The following ASPH variants were observed in gnomAD, a reference collection of about 807,000 sequenced individuals.
ASPH encodes the protein aspartate beta-hydroxylase, also known as aspartyl/asparaginyl beta-hydroxylase.
Under a neutral mutation model 118.4 loss-of-function variants are expected in ASPH, and 100 were observed. The observed-to-expected ratio is 0.84, with a 90% confidence interval of 0.72 to 1.00. The LOEUF is 1.00. ASPH is among the 50% of genes least tolerant of loss of function. The pLI, the probability that ASPH is intolerant of heterozygous loss-of-function variation, is 0.00. For synonymous variants in ASPH, 315 were observed against 325.6 expected, an observed-to-expected ratio of 0.97 and a Z score of 0.35; for missense variants, 920 against 919.5, an observed-to-expected ratio of 1.00 and a Z score of -0.01.
chr8:61,662,372 C>T (rs1465002647), intron 3 of ASPH, among the ~76,000 whole-genome samples: 5 of 152,052 alleles, frequency 3.3e-5, no homozygotes, highest in South Asian at 2.1e-4. Context: ...CAGGTCTTCC[C>T]GAAAACAGCT....
At chr8:61,630,655 T>G (rs1855148873) in intron 13 of ASPH, among the ~76,000 whole-genome samples, 2 of 152,226 alleles carry the variant, frequency 1.3e-5, no homozygotes, top group South Asian at 2.1e-4. Context: ...TGTGTGGTGA[T>G]GCTGGTGTAA....
chr8:61,571,032 G>A (rs1270085170), intron 16 of ASPH, among the ~76,000 whole-genome samples: 1 of 152,086 alleles, frequency 6.6e-6, no homozygotes, highest in Non-Finnish European at 1.5e-5. Context: ...TTAAAAATTT[G>A]TTGGAATATT....
chr8:61,584,110 G>A, intron 14 of ASPH, 81 bp from the exon 15 acceptor site: 3 of 865,068 alleles, frequency 3.5e-6, no homozygotes, highest in Non-Finnish European at 5.2e-6. Context: ...CAAGTAGTGG[G>A]AAACCTGATG....
rs968570121 is a variant in ASPH, at chr8:61,714,479, G to C, written c.-108C>G. On this transcript the variant is annotated 5_prime_UTR_variant, in exon 1 of 25. Coordinates refer to ENST00000379454, the MANE Select transcript of ASPH (RefSeq NM_004318.4). ...GGCGGCGGGCCGCTGGAGCGGGTTC[G>C]GGCCGCTGCTCCTGCAGCAGACCCT... The C allele has an allele frequency of 1.9e-4, 249 of 1,344,276 alleles. No individual in the cohort carries two copies. Among genetic ancestry groups the C allele is most frequent in the Middle Eastern group, 2.8e-4 (1 of 3,602 alleles). 83.3% of individuals were successfully genotyped at this position (1,344,276 alleles called of 1,614,324 possible).
intron 10 of ASPH, 143 bp downstream of exon 10, chr8:61,642,745 T>C (rs759776260): frequency 9.1e-6 from 6 of 657,742 alleles, no homozygotes; most frequent in Non-Finnish European, 1.5e-5. Flanking sequence ...CTCAGGAGGC[T>C]GAGGCAAGAG....
intron 6 of ASPH, among the ~76,000 whole-genome samples, chr8:61,645,182 T>C (rs1262643476): frequency 1.3e-5 from 2 of 152,162 alleles, no homozygotes; most frequent in African/African-American, 2.4e-5. Flanking sequence ...AAAGAATAAA[T>C]ATTTTTATTT....
Position 61,518,245 on chromosome 8 carries a change from A to G in ASPH, c.1901-122T>C, listed in dbSNP as rs1811609945. ...GGAATGAGAAGATTGAGTAAACATG[A>G]GAAGATGAAGTAGGAATGCAAAAGG... On this transcript the variant is annotated intron_variant, in intron 22 of 24. Transcript: ENST00000379454. 3 of 775,716 alleles carry G rather than the reference A, an allele frequency of 3.9e-6. No individual in the cohort carries two copies. The East Asian group carries it at 8.1e-5, about 21-fold the overall frequency. 48.1% of individuals were successfully genotyped at this position (775,716 alleles called of 1,614,324 possible).
At chr8:61,703,966 C>T (rs930669406) in intron 1 of ASPH, among the ~76,000 whole-genome samples, 4 of 151,822 alleles carry the variant, frequency 2.6e-5, no homozygotes, top group African/African-American at 4.8e-5. Flanking sequence ...GAGGCCGAGG[C>T]GGGCGGATCA....
At chr8:61,580,899 A>C (rs1837309801) in intron 15 of ASPH, among the ~76,000 whole-genome samples, 1 of 152,224 alleles carries the variant, frequency 6.6e-6, no homozygotes, top group African/African-American at 2.4e-5. Flanking sequence ...TAACATTTAC[A>C]GGTTCCAGAC....
At chr8:61,632,726 C>A in intron 13 of ASPH, 1 of 401,392 alleles carries the variant, frequency 2.5e-6, no homozygotes, top group Non-Finnish European at 4.9e-6. Flanking sequence ...CTAAGGCATC[C>A]CACATATAAC....
chr8:61,665,403 C>A, intron 3 of ASPH: 1 of 1,612,794 alleles, frequency 6.2e-7, no homozygotes, highest in Non-Finnish European at 8.5e-7. Flanking sequence ...TTGGTTTTAG[C>A]ACTTTTTTCT....
intron 1 of ASPH, among the ~76,000 whole-genome samples, chr8:61,690,998 TC>T (rs527791283): frequency 1.6e-3 from 244 of 152,300 alleles, no homozygotes; most frequent in African/African-American, 5.4e-3. Flanking sequence ...ATTTTATCTA[TC>T]CTTTTATAAT....
chr8:61,513,299 T>C (rs768549818), intron 24 of ASPH, among the ~76,000 whole-genome samples: 6 of 152,244 alleles, frequency 3.9e-5, no homozygotes, highest in Non-Finnish European at 8.8e-5. Flanking sequence ...CTAGACTCTT[T>C]CTGTCCTCAG....
At position 61,583,574 on chromosome 8, in the gene ASPH, T is replaced by A. The variant is rs113435195; in HGVS notation, c.1062+370A>T. ...AAAAAAAAAAAATTCTCATTTGATCTTTAAATTGATCTTTAAAAAACTCAA... is the reference window on the plus strand; with the variant it reads ...AAAAAAAAAAAATTCTCATTTGATCATTAAATTGATCTTTAAAAAACTCAA... On this transcript the variant is annotated intron_variant, in intron 15 of 24. Transcript: ENST00000379454. The A allele has an allele frequency of 8.9e-3, 1,473 of 165,130 alleles. 30 individuals are homozygous for A. The highest frequency in any genetic ancestry group is 0.033 in the African/African-American group (1,362 of 41,664). The allele number at this position is 165,130 out of a possible 1,614,324, so 10.2% of individuals were successfully genotyped here.
chr8:61,699,913 G>A (rs1396012998), intron 1 of ASPH, among the ~76,000 whole-genome samples: 1 of 152,204 alleles, frequency 6.6e-6, no homozygotes, highest in Non-Finnish European at 1.5e-5. Context: ...GAGGGAACTG[G>A]GGAATGACGG....
intron 24 of ASPH, among the ~76,000 whole-genome samples, chr8:61,512,046 C>T (rs1176634402): frequency 6.6e-6 from 1 of 152,206 alleles, no homozygotes; most frequent in South Asian, 2.1e-4. Flanking sequence ...CTTATAAGTA[C>T]AGCATGATCC....
rs764895496 is a variant in ASPH at position 61,562,821 on chromosome 8, T to C, written c.1360A>G (p.Thr454Ala). The change falls in exon 18 of 25, where the codon ACT (threonine) becomes GCT (alanine). Residue 454 changes from threonine to alanine, a missense_variant. Physicochemically the swap from Thr to Ala is moderately conservative, Grantham distance 58. Transcript: ENST00000379454. ...QRLVQLFPND[T>A]SLKNDLGVGY... ...ACGCCAAGGTCATTTTTTAAGGAAG[T>C]ATCATTGGGAAATAGTTGAACTAAT... 1.9e-6 allele frequency: 3 copies of C among 1,612,832 alleles called. No individual in the cohort carries two copies. The South Asian group carries it at 3.3e-5, about 18-fold the overall frequency.
chr8:61,578,372 A>C (rs28451709), intron 15 of ASPH: 1,390,564 of 1,603,084 alleles, frequency 0.87, 604,937 homozygotes, highest in African/African-American at 0.93. Context: ...GTGGCCTGGG[A>C]GGCGGCTATA....
chr8:61,620,713 C>T (rs757695107), intron 13 of ASPH, among the ~76,000 whole-genome samples: 7 of 152,348 alleles, frequency 4.6e-5, no homozygotes, highest in Non-Finnish European at 8.8e-5. Flanking sequence ...GGAGCTCTTC[C>T]TAGTGGGATC....
Sources: allele counts gnomAD v4.1 joint callset (sites outside exome capture counted in the v4.1 genomes callset), GRCh38; gene constraint gnomAD v4.1.1; transcripts MANE v1.5; gene names NCBI Gene and HGNC (gene_info 2026-07-23, HGNC 2026-07-21).